The following PCSK5 variants were observed in gnomAD, a reference collection of about 807,000 sequenced individuals.
PCSK5 encodes the protein prohormone convertase 5.
In PCSK5, 129 loss-of-function variants were observed where a neutral mutation model predicts 233.2. That is an observed-to-expected ratio of 0.55 (90% CI 0.48 to 0.64). The LOEUF (loss-of-function observed/expected upper bound fraction) is 0.64, where lower values mean the gene tolerates loss of function less well. PCSK5 is among the 30% of genes least tolerant of loss of function. PCSK5 has a pLI of 0.00. For missense variants in PCSK5, 2,076 were observed against 2,430.1 expected (o/e 0.85, Z 3.06); for synonymous variants, 825 against 879.2 (o/e 0.94, Z 1.09).
chr9:76,065,440 C>T (rs1830251806), intron 5 of PCSK5, among the ~76,000 whole-genome samples: 2 of 152,048 alleles, frequency 1.3e-5, no homozygotes, highest in Non-Finnish European at 2.9e-5. Context: ...TTCACATACC[C>T]GTAGTCCAAT....
intron 7 of PCSK5, among the ~76,000 whole-genome samples, chr9:76,093,594 C>CAA (rs1831389737): frequency 6.6e-6 from 1 of 151,978 alleles, no homozygotes; most frequent in African/African-American, 2.4e-5. Context: ...CACACACACA[C>CAA]ACACACGTGC....
At chr9:76,075,969 A>G (rs978758407) in intron 7 of PCSK5, among the ~76,000 whole-genome samples, 1 of 152,240 alleles carries the variant, frequency 6.6e-6, no homozygotes, top group South Asian at 2.1e-4. Context: ...GATAGAAATA[A>G]TCAAGACTAT....
intron 5 of PCSK5, among the ~76,000 whole-genome samples, chr9:76,048,052 G>C (rs13290736): frequency 0.059 from 8,938 of 152,222 alleles, 399 homozygotes; most frequent in African/African-American, 0.12. Context: ...TGCCGTCCTT[G>C]TTGATTTTCT....
intron 2 of PCSK5, among the ~76,000 whole-genome samples, chr9:75,934,269 G>A (rs547122584): frequency 3.3e-5 from 5 of 152,242 alleles, no homozygotes; most frequent in East Asian, 3.9e-4. Flanking sequence ...TTCCAATGCC[G>A]TCTGCTCATC....
intron 20 of PCSK5, among the ~76,000 whole-genome samples, chr9:76,221,092 A>T (rs1217706715): frequency 2.0e-5 from 3 of 152,326 alleles, no homozygotes; most frequent in East Asian, 3.9e-4. Flanking sequence ...TTACAGCCTA[A>T]CGGGCAAAAC....
chr9:75,966,184 A>G (rs1023838200), intron 2 of PCSK5, among the ~76,000 whole-genome samples: 2 of 152,180 alleles, frequency 1.3e-5, no homozygotes, highest in African/African-American at 4.8e-5. Context: ...ATACTGAGGC[A>G]GGGCTAGAAA....
chr9:75,936,113 C>T (rs1824044950), intron 2 of PCSK5, among the ~76,000 whole-genome samples: 1 of 152,076 alleles, frequency 6.6e-6, no homozygotes, highest in African/African-American at 2.4e-5. Context: ...ATGTACATAC[C>T]TTAATTAAAA....
At chr9:76,268,571 C>T (rs921759526) in intron 24 of PCSK5, among the ~76,000 whole-genome samples, 4 of 152,194 alleles carry the variant, frequency 2.6e-5, no homozygotes, top group African/African-American at 7.2e-5. Context: ...CGGCTGGGTG[C>T]AGTGGCTCAT....
At chr9:76,193,361 C>CTT in intron 20 of PCSK5, 2 of 1,599,800 alleles carry the variant, frequency 1.3e-6, no homozygotes, top group Non-Finnish European at 8.5e-7. Flanking sequence ...GAGCAGCCAT[C>CTT]TTAGATTTCT....
At chr9:76,258,308 C>T (rs912613388) in intron 24 of PCSK5, among the ~76,000 whole-genome samples, 6 of 152,122 alleles carry the variant, frequency 3.9e-5, no homozygotes, top group African/African-American at 1.4e-4. Context: ...ATAAAATCAA[C>T]CCAAAAATAT....
intron 32 of PCSK5, 122 bp downstream of exon 32, chr9:76,323,410 G>A: frequency 6.2e-6 from 4 of 641,252 alleles, no homozygotes; most frequent in Middle Eastern, 4.2e-4. Flanking sequence ...TTGGGACAAG[G>A]TCTCCCTCTA....
intron 5 of PCSK5, among the ~76,000 whole-genome samples, chr9:76,033,453 A>G (rs1289660264): frequency 6.6e-6 from 1 of 152,190 alleles, no homozygotes; most frequent in Non-Finnish European, 1.5e-5. Flanking sequence ...ATACTTTTGC[A>G]AAATAACATC....
intron 13 of PCSK5, among the ~76,000 whole-genome samples, chr9:76,171,581 C>T (rs956067): frequency 1.3e-5 from 2 of 152,128 alleles, no homozygotes; most frequent in Non-Finnish European, 2.9e-5. Context: ...GGTCAGGGGT[C>T]ACGAATATAA....
chr9:76,202,365 T>A (rs1473847744), intron 20 of PCSK5, among the ~76,000 whole-genome samples: 2 of 152,208 alleles, frequency 1.3e-5, no homozygotes, highest in Non-Finnish European at 2.9e-5. Context: ...TGTGTCTTCA[T>A]CTTCATCTCC....
At chr9:76,043,410 GAA>G (rs1219864090) in intron 5 of PCSK5, among the ~76,000 whole-genome samples, 1 of 150,306 alleles carries the variant, frequency 6.7e-6, no homozygotes, top group Non-Finnish European at 1.5e-5. Context: ...TTTAGACTCT[GAA>G]AAAAAGACTG....
At chr9:75,970,560 T>C (rs1428675529) in intron 2 of PCSK5, among the ~76,000 whole-genome samples, 1 of 152,162 alleles carries the variant, frequency 6.6e-6, no homozygotes, top group Non-Finnish European at 1.5e-5. Context: ...ATGTGGAACA[T>C]AAAGGCTCTA....
chr9:76,108,117 G>C (rs1375439063), intron 9 of PCSK5, among the ~76,000 whole-genome samples: 2 of 152,118 alleles, frequency 1.3e-5, no homozygotes, highest in Non-Finnish European at 2.9e-5. Flanking sequence ...CATTTATTGT[G>C]AAATATTCAT....
At chr9:76,251,407 C>CA (rs1826800200) in intron 24 of PCSK5, among the ~76,000 whole-genome samples, 1 of 151,548 alleles carries the variant, frequency 6.6e-6, no homozygotes, top group Non-Finnish European at 1.5e-5. Flanking sequence ...ATTAAAAATA[C>CA]AAAAAAATTA....
intron 5 of PCSK5, among the ~76,000 whole-genome samples, chr9:76,066,652 C>T (rs975804172): frequency 9.9e-5 from 15 of 151,592 alleles, no homozygotes; most frequent in African/African-American, 3.2e-4. Context: ...ACATTAATAA[C>T]CATTAAGTAA....
Sources: allele counts gnomAD v4.1 joint callset (sites outside exome capture counted in the v4.1 genomes callset), GRCh38; gene constraint gnomAD v4.1.1; transcripts MANE v1.5; gene names NCBI Gene and HGNC (gene_info 2026-07-23, HGNC 2026-07-21).